ISM1: variants seen among roughly 807,000 people sequenced by gnomAD.
ISM1 encodes the protein isthmin 1, also known as isthmin-1.
Under a neutral mutation model 46.3 loss-of-function variants are expected in ISM1, and 25 were observed. That is an observed-to-expected ratio of 0.54 (90% CI 0.39 to 0.75). The LOEUF is 0.75. Ranked by LOEUF, ISM1 falls within the 30% of genes least tolerant of loss-of-function variation. ISM1 has a pLI of 0.00. For synonymous variants in ISM1, 255 were observed against 256.7 expected, an observed-to-expected ratio of 0.99 and a Z score of 0.06; for missense variants, 536 against 625.4, an observed-to-expected ratio of 0.86 and a Z score of 1.52.
rs374878260 is a variant in ISM1 at position 13,279,865 on chromosome 20, C to T, written c.610C>T (p.Arg204Trp). 42 of 1,613,934 alleles carry T rather than the reference C, an allele frequency of 2.6e-5. No individual in the cohort carries two copies. The Middle Eastern group carries it at 8.2e-4, about 32-fold the overall frequency. ...GTGGGACCATACAGCCCCAGGCCAC[C>T]GGACTTTTGAAACCAAAGATCAGCC... ...RGWDHTAPGHRTFETKDQPEY... is the reference protein window; with the variant it reads ...RGWDHTAPGHWTFETKDQPEY... Residue 204 changes from arginine to tryptophan, a missense_variant, in exon 3 of 6, where the codon CGG (arginine) becomes TGG (tryptophan). By Grantham distance (101) the Arg-to-Trp change is moderately radical (BLOSUM62 -3). This residue lies in a region of ISM1 where 367 missense variants were observed against 376.1 expected (regional missense o/e 0.98). Transcript: ENST00000262487.
intron 1 of ISM1, among the ~76,000 whole-genome samples, chr20:13,257,973 T>A (rs1430529298): frequency 6.6e-6 from 1 of 152,096 alleles, no homozygotes; most frequent in Non-Finnish European, 1.5e-5. Context: ...CTACTTACTA[T>A]CTAGGGGCCT....
chr20:13,223,202 A>AAT (rs1234300282), intron 1 of ISM1, among the ~76,000 whole-genome samples: 1 of 151,426 alleles, frequency 6.6e-6, no homozygotes, highest in African/African-American at 2.4e-5. Flanking sequence ...TAAATAAATA[A>AAT]ATAAATAAAA....
At position 13,225,110 on chromosome 20, in the gene ISM1, C is replaced by T. The variant is rs1420637180; in HGVS notation, c.138+3196C>T. ...CCTCATGATCCGCCCGCCTTGGCCT[C>T]CCAAAGTGCTGGGATTACAGGCGTG... On this transcript the variant is annotated intron_variant, in intron 1 of 5. Coordinates refer to ENST00000262487, the MANE Select transcript of ISM1 (RefSeq NM_080826.2). Among the ~76,000 whole-genome samples, 7 of 152,058 alleles carry T rather than the reference C, an allele frequency of 4.6e-5. No individual in the cohort carries two copies. The South Asian group carries it at 1.2e-3, about 27-fold the overall frequency.
rs140734778 is a variant in ISM1 at position 13,276,455 on chromosome 20, A to G, written c.379-3179A>G. 3.6e-3 allele frequency among the ~76,000 whole-genome samples: 551 copies of G among 152,344 alleles called. 1 individual carries two copies. The highest frequency in any genetic ancestry group is 4.9e-3 in the Non-Finnish European group (330 of 68,036). ...GGAACTTTTCCTCGTTTCCTAAGAC[A>G]GAATTATCGAAATGGGCACTTCTTT... On this transcript the variant is annotated intron_variant, in intron 2 of 5. Transcript: ENST00000262487.
rs946196571 is a variant in ISM1 at position 13,299,621 on chromosome 20, C to G, written c.*162C>G. The G allele has an allele frequency of 7.0e-6, 5 of 712,172 alleles. No homozygotes were observed. Among genetic ancestry groups the G allele is most frequent in the Non-Finnish European group, 1.1e-5 (5 of 448,684 alleles). 44.1% of individuals were successfully genotyped at this position (712,172 alleles called of 1,614,324 possible). A position where few individuals can be genotyped will look rare whatever the true frequency, so the allele number is the denominator to read the frequency against. On this transcript the variant is annotated 3_prime_UTR_variant, in exon 6 of 6. Transcript: ENST00000262487. This position sits in a 1 kb window ranked among gnomAD's most constrained non-coding sequence, Gnocchi z 5.8. The stretch of plus-strand genomic sequence containing the variant: ...CATTACGCTAGGGGCGTGTGCCACG[C>G]CCAGGGGACTGCCTTGTGAAGCCGC...
the ISM1 span, among the ~76,000 whole-genome samples, chr20:13,325,889 T>C: frequency 6.6e-6 from 1 of 152,170 alleles, no homozygotes; most frequent in African/African-American, 2.4e-5. Flanking sequence ...CTTATGAATA[T>C]AGAACACCAA....
At chr20:13,308,963 C>T in the ISM1 span, among the ~76,000 whole-genome samples, 1 of 152,078 alleles carries the variant, frequency 6.6e-6, no homozygotes, top group East Asian at 1.9e-4. Flanking sequence ...AAAATCTGGC[C>T]ATGCTAGCAC....
At chr20:13,242,063 A>G (rs1362984357) in intron 1 of ISM1, among the ~76,000 whole-genome samples, 2 of 152,216 alleles carry the variant, frequency 1.3e-5, no homozygotes, top group Non-Finnish European at 2.9e-5. Flanking sequence ...AATGAGTTTT[A>G]AAACTGGAAA....
At chr20:13,291,173 G>A (rs1288933501) in intron 4 of ISM1, among the ~76,000 whole-genome samples, 8 of 152,290 alleles carry the variant, frequency 5.3e-5, no homozygotes, top group East Asian at 1.9e-4. Context: ...CTGTCACCGC[G>A]GAGAGCAGTG....
chr20:13,259,978 T>C (rs1016458353), intron 1 of ISM1, among the ~76,000 whole-genome samples: 6 of 152,236 alleles, frequency 3.9e-5, no homozygotes, highest in Admixed American at 3.9e-4. Context: ...GGAGTGTTTG[T>C]TGAATGAATC....
chr20:13,279,276 C>A (rs1568683827), intron 2 of ISM1, among the ~76,000 whole-genome samples: 1 of 152,184 alleles, frequency 6.6e-6, no homozygotes, highest in Admixed American at 6.5e-5. Context: ...GAGTGAAAGG[C>A]TTCTCAATAC....
chr20:13,317,667 G>A, the ISM1 span, among the ~76,000 whole-genome samples: 17 of 152,154 alleles, frequency 1.1e-4, no homozygotes, highest in Middle Eastern at 3.4e-3. Context: ...CCTTTGACAA[G>A]GGATGAAAGA....
rs1215851284 is a variant in ISM1, at chr20:13,270,656, A to C, written c.291A>C (p.Arg97Ser). ...AGACGGGGCACCCTTCATTGCAAAGAGATTTCCCCAGATCCTTTCTCCTTG... is the reference window on the plus strand; with the variant it reads ...AGACGGGGCACCCTTCATTGCAAAGCGATTTCCCCAGATCCTTTCTCCTTG... ...RQETGHPSLQ[R>S]DFPRSFLLDL... is the part of the protein sequence containing the mutation. The change falls in exon 2 of 6, where the codon AGA becomes AGC. Residue 97 changes from arginine (R) to serine (S), a missense_variant. Arg to Ser is a moderately radical substitution (Grantham distance 110). Coordinates refer to ENST00000262487, the MANE Select transcript of ISM1 (RefSeq NM_080826.2). 1 of 1,613,878 alleles carries C rather than the reference A, an allele frequency of 6.2e-7. No individual in the cohort carries two copies. The highest frequency in any genetic ancestry group is 8.5e-7 in the Non-Finnish European group (1 of 1,179,884).
chr20:13,248,585 C>T (rs1373503207), intron 1 of ISM1, among the ~76,000 whole-genome samples: 1 of 152,238 alleles, frequency 6.6e-6, no homozygotes, highest in African/African-American at 2.4e-5. Context: ...CCTCATAATA[C>T]TAATTTCTAC....
chr20:13,306,564 C>CAAAAAAAAAAAAAAAAAAAAGG, the ISM1 span, among the ~76,000 whole-genome samples: 1 of 63,914 alleles, frequency 1.6e-5, no homozygotes, highest in Non-Finnish European at 2.6e-5. Context: ...GGAGAAAGGA[C>CAAAAAAAAAAAAAAAAAAAAGG]AAAAAAAAAA....
At chr20:13,275,525 A>G (rs990312742) in intron 2 of ISM1, among the ~76,000 whole-genome samples, 2 of 152,136 alleles carry the variant, frequency 1.3e-5, no homozygotes. Context: ...GGGATCAGGC[A>G]CCACCATTTA....
At chr20:13,224,301 C>T (rs1018665699) in intron 1 of ISM1, among the ~76,000 whole-genome samples, 14 of 152,100 alleles carry the variant, frequency 9.2e-5, no homozygotes, top group African/African-American at 3.4e-4. Context: ...TTCTTTGGCC[C>T]TCTGACTCTC....
intron 5 of ISM1, among the ~76,000 whole-genome samples, chr20:13,293,712 A>G (rs557356293): frequency 5.3e-5 from 8 of 152,292 alleles, no homozygotes; most frequent in African/African-American, 1.4e-4. Context: ...AGTGACTCAC[A>G]TCTGTAATCC....
chr20:13,264,115 C>A (rs962693267), intron 1 of ISM1, among the ~76,000 whole-genome samples: 2 of 152,128 alleles, frequency 1.3e-5, no homozygotes, highest in Admixed American at 6.5e-5. Flanking sequence ...TTATTTGTTG[C>A]CCCCTGAGCT....
Sources: allele counts gnomAD v4.1 joint callset (sites outside exome capture counted in the v4.1 genomes callset), GRCh38; gene constraint gnomAD v4.1.1; regional missense constraint gnomAD v4.1.1; non-coding constraint Gnocchi (gnomAD v3.1); transcripts MANE v1.5; gene names NCBI Gene and HGNC (gene_info 2026-07-23, HGNC 2026-07-21).